The following TEX11 variants were observed in gnomAD, a reference collection of about 807,000 sequenced individuals.
TEX11 encodes testis-expressed protein 11.
In TEX11, 7 loss-of-function variants were observed where a neutral mutation model predicts 84.4. The ratio of observed to expected loss-of-function variants is 0.08; its 90% CI spans 0.05 to 0.16. The LOEUF (loss-of-function observed/expected upper bound fraction) is 0.16. TEX11 is among the 10% of genes least tolerant of loss of function. The probability of loss-of-function intolerance (pLI) is 1.00; values close to 1 mark genes in which losing one functional copy is unlikely to be tolerated. For synonymous variants in TEX11, 264 were observed against 222.8 expected (o/e 1.18, Z -1.64); for missense variants, 551 against 660.5 (o/e 0.83, Z 1.82).
At chrX:70,812,077 C>T (rs373443667) in intron 8 of TEX11, among the ~76,000 whole-genome samples, 2 of 111,393 alleles carry the variant, frequency 1.8e-5, no homozygotes, top group Admixed American at 1.9e-4. Flanking sequence ...TTGTTTTTGG[C>T]GTTTTAGACA....
intron 28 of TEX11, among the ~76,000 whole-genome samples, chrX:70,545,290 T>C (rs773617402): frequency 1.2e-4 from 14 of 112,396 alleles, no homozygotes; most frequent in Admixed American, 8.5e-4. Context: ...CATTATACAG[T>C]TGTACAAAAA....
intron 12 of TEX11, among the ~76,000 whole-genome samples, 180 bp downstream of exon 12, chrX:70,725,082 A>G (rs748390074): frequency 9.2e-6 from 1 of 108,856 alleles, no homozygotes; most frequent in South Asian, 4.0e-4. Context: ...ATTTGCTACT[A>G]TTTTTTCTTC....
intron 10 of TEX11, among the ~76,000 whole-genome samples, chrX:70,741,004 G>C (rs979784284): frequency 9.0e-6 from 1 of 110,514 alleles, no homozygotes; most frequent in African/African-American, 3.3e-5. Context: ...TACAGTAATG[G>C]CTATATTCCT....
chrX:70,879,418 T>G (rs1241294999), intron 3 of TEX11, among the ~76,000 whole-genome samples: 1 of 111,075 alleles, frequency 9.0e-6, no homozygotes, highest in Non-Finnish European at 1.9e-5. Flanking sequence ...TCCATACAAG[T>G]AGTCACCAAA....
chrX:70,665,812 A>T (rs184146925), intron 16 of TEX11, among the ~76,000 whole-genome samples: 1 of 112,088 alleles, frequency 8.9e-6, no homozygotes, highest in Non-Finnish European at 1.9e-5. Context: ...AAAAGAGAAA[A>T]GAGCTGAGCT....
chrX:70,851,793 A>C (rs1327838608), intron 7 of TEX11, among the ~76,000 whole-genome samples: 1 of 111,713 alleles, frequency 9.0e-6, no homozygotes, highest in African/African-American at 3.3e-5. Context: ...GATAAACAAA[A>C]CATGGCATAT....
intron 13 of TEX11, among the ~76,000 whole-genome samples, chrX:70,716,045 C>T (rs1170688102): frequency 9.0e-6 from 1 of 110,518 alleles, no homozygotes; most frequent in African/African-American, 3.3e-5. Flanking sequence ...TTGGAGTTTG[C>T]CAGAGGTCCA....
intron 8 of TEX11, among the ~76,000 whole-genome samples, chrX:70,832,066 A>T (rs1569451424): frequency 9.0e-6 from 1 of 111,702 alleles, no homozygotes; most frequent in Non-Finnish European, 1.9e-5. Context: ...CAAAGCTAGC[A>T]CCACCAATAA....
At chrX:70,681,247 T>C (rs1424958382) in intron 14 of TEX11, among the ~76,000 whole-genome samples, 4 of 112,505 alleles carry the variant, frequency 3.6e-5, no homozygotes, top group Non-Finnish European at 7.5e-5. Flanking sequence ...TACTTAAAAA[T>C]ACTCACATGA....
intron 9 of TEX11, among the ~76,000 whole-genome samples, chrX:70,750,888 A>T (rs1361676477): frequency 1.3e-5 from 1 of 76,474 alleles, no homozygotes; most frequent in East Asian, 4.9e-4. Context: ...AACCTGCACA[A>T]TGTGCACATG....
At chrX:70,534,123 G>T (rs1223711694) in intron 28 of TEX11, among the ~76,000 whole-genome samples, 6 of 94,900 alleles carry the variant, frequency 6.3e-5, no homozygotes. Context: ...AAAAGTAAAA[G>T]ATCACCTTGG....
chrX:70,530,306 C>T (rs2087870101), intron 28 of TEX11, among the ~76,000 whole-genome samples: 1 of 111,963 alleles, frequency 8.9e-6, no homozygotes, highest in African/African-American at 3.2e-5. Flanking sequence ...TGGGGCTTCC[C>T]TTGATTCTGT....
intron 17 of TEX11, among the ~76,000 whole-genome samples, chrX:70,632,045 T>C (rs923341984): frequency 3.1e-5 from 3 of 95,580 alleles, no homozygotes; most frequent in Non-Finnish European, 6.3e-5. Flanking sequence ...TATTAACAAA[T>C]GGGAAAATCA....
chrX:70,649,665 TCAGGAGGCTGAGG>T (rs1480417581), intron 17 of TEX11, among the ~76,000 whole-genome samples: 1 of 111,836 alleles, frequency 8.9e-6, no homozygotes, highest in Non-Finnish European at 1.9e-5. Context: ...TCCCAGCTAT[TCAGGAGGCTGAGG>T]CAGGAGAATC....
At chrX:70,867,757 C>CA (rs927428778) in intron 4 of TEX11, among the ~76,000 whole-genome samples, 5 of 107,265 alleles carry the variant, frequency 4.7e-5, no homozygotes, top group African/African-American at 6.8e-5. Context: ...ACAAACTTGA[C>CA]AAAAAAAAAG....
At chrX:70,777,050 T>TTA (rs1569437754) in intron 9 of TEX11, among the ~76,000 whole-genome samples, 2 of 107,239 alleles carry the variant, frequency 1.9e-5, no homozygotes, top group African/African-American at 6.8e-5. Context: ...TATTATTATT[T>TTA]TTTTTTTTGT....
At chrX:70,820,997 C>T (rs1370374247) in intron 8 of TEX11, among the ~76,000 whole-genome samples, 1 of 111,724 alleles carries the variant, frequency 9.0e-6, no homozygotes, top group Non-Finnish European at 1.9e-5. Context: ...CAAAAATAGA[C>T]AAGTGGGATT....
chrX:70,666,913 A>G (rs73220881), intron 16 of TEX11, among the ~76,000 whole-genome samples: 12,600 of 111,405 alleles, frequency 0.11, 605 homozygotes, highest in Middle Eastern at 0.19. Context: ...AAGTTCAACC[A>G]TTCATCCGCC....
At chrX:70,750,668 A>G (rs1477537650) in intron 9 of TEX11, among the ~76,000 whole-genome samples, 1 of 99,471 alleles carries the variant, frequency 1.0e-5, no homozygotes, top group Non-Finnish European at 2.0e-5. Context: ...AACTATCGCA[A>G]GAACAAAAAA....
Sources: allele counts gnomAD v4.1 joint callset (sites outside exome capture counted in the v4.1 genomes callset), GRCh38; gene constraint gnomAD v4.1.1; transcripts MANE v1.5; gene names NCBI Gene and HGNC (gene_info 2026-07-23, HGNC 2026-07-21).